The following GALNT8 variants were observed in gnomAD, a reference collection of about 807,000 sequenced individuals.
GALNT8 encodes probable polypeptide N-acetylgalactosaminyltransferase 8.
Under a neutral mutation model 62.7 loss-of-function variants are expected in GALNT8, and 66 were observed. The observed-to-expected ratio is 1.05, with a 90% CI of 0.86 to 1.29. The LOEUF (loss-of-function observed/expected upper bound fraction) is 1.29. Among genes scored for constraint, GALNT8 ranks in the 50% most tolerant of loss-of-function variants. The pLI is 0.00. For missense variants in GALNT8, 771 were observed against 791.8 expected, an observed-to-expected ratio of 0.97 and a Z score of 0.32; for synonymous variants, 288 against 294.3, an observed-to-expected ratio of 0.98 and a Z score of 0.22.
intron 1 of GALNT8, among the ~76,000 whole-genome samples, chr12:4,725,026 T>C (rs1946188463): frequency 1.3e-5 from 2 of 152,232 alleles, no homozygotes; most frequent in Non-Finnish European, 2.9e-5. Context: ...GGATGCCTTC[T>C]TCTAACTTGT....
Position 4,749,886 on chromosome 12 carries a change from T to C in GALNT8, c.1173+3628T>C, listed in dbSNP as rs1946315321. On this transcript the variant is annotated intron_variant, in intron 6 of 10. Coordinates refer to ENST00000252318, the MANE Select transcript of GALNT8 (RefSeq NM_017417.2). This position sits in a 1 kb window ranked among gnomAD's most constrained non-coding sequence, Gnocchi z 4.1. ...GTTTGGGATATTTTTCCTGGTTCAA[T>C]CTTGAACCAAGTTCAATGTGTCTAG... Among the ~76,000 whole-genome samples the C allele has an allele frequency of 6.6e-6, 1 of 152,154 alleles. No individual in the cohort carries two copies. Among genetic ancestry groups the C allele is most frequent in the Non-Finnish European group, 1.5e-5 (1 of 68,018 alleles).
At chr12:4,740,302 A>T (rs1431717562) in intron 3 of GALNT8, among the ~76,000 whole-genome samples, 3 of 151,812 alleles carry the variant, frequency 2.0e-5, no homozygotes, top group Admixed American at 2.0e-4. Context: ...TCATATTCTG[A>T]TTTTCTTGTA....
Position 4,726,622 on chromosome 12 carries a change from C to T in GALNT8, c.302C>T (p.Ala101Val). ...AKDEVRPLLK[A>V]METKVNETKK... ...GATGAAGTACGCCCTCTTCTAAAGGCAATGGAAACCAAGGTGAATGAGACA... is the reference window on the plus strand; with the variant it reads ...GATGAAGTACGCCCTCTTCTAAAGGTAATGGAAACCAAGGTGAATGAGACA... Residue 101 changes from alanine (A) to valine (V), a missense_variant, in exon 2 of 11, where the codon GCA becomes GTA. Ala to Val is a moderately conservative substitution (Grantham distance 64, BLOSUM62 0). Coordinates refer to ENST00000252318, the MANE Select transcript of GALNT8 (RefSeq NM_017417.2). This position sits in a 1 kb window ranked among gnomAD's most constrained non-coding sequence, Gnocchi z 4.1. The T allele has an allele frequency of 6.2e-7, 1 of 1,613,466 alleles. No individual in the cohort carries two copies. Among genetic ancestry groups the T allele is most frequent in the East Asian group, 2.2e-5 (1 of 44,842 alleles).
At position 4,749,129 on chromosome 12, in the gene GALNT8, T is replaced by A; in HGVS notation, c.1173+2871T>A. The stretch of plus-strand genomic sequence containing the variant: ...TGGTGGAGTCTTTATGTTTTTCCAA[T>A]ATAAGATTATGTCATCTGCAAACAA... On this transcript the variant is annotated intron_variant, in intron 6 of 10. Coordinates refer to ENST00000252318, the MANE Select transcript of GALNT8 (RefSeq NM_017417.2). The surrounding 1 kb of genome is among the most constrained non-coding windows in gnomAD (Gnocchi z 4.1). Among the ~76,000 whole-genome samples, 1 of 151,884 alleles carries A rather than the reference T, an allele frequency of 6.6e-6. No homozygotes were observed. Among genetic ancestry groups the A allele is most frequent in the African/African-American group, 2.4e-5 (1 of 41,548 alleles).
At chr12:4,765,831 A>G (rs1946397592) in intron 10 of GALNT8, among the ~76,000 whole-genome samples, 1 of 152,178 alleles carries the variant, frequency 6.6e-6, no homozygotes, top group African/African-American at 2.4e-5. Context: ...GTGTTACCTA[A>G]TATTGCAGTC....
At chr12:4,722,105 G>T (rs113492752) in intron 1 of GALNT8, among the ~76,000 whole-genome samples, 2 of 152,304 alleles carry the variant, frequency 1.3e-5, no homozygotes, top group Middle Eastern at 3.4e-3. Flanking sequence ...CAAGGCAGAA[G>T]AATTTTTCTT....
At chr12:4,758,071 A>G (rs1047932367) in intron 6 of GALNT8, among the ~76,000 whole-genome samples, 2 of 152,082 alleles carry the variant, frequency 1.3e-5, no homozygotes, top group African/African-American at 4.8e-5. Context: ...TCTACAAGAC[A>G]TTCTTTCTTT....
In GALNT8 at chr12:4,720,775, T is replaced by A. The variant is rs773387890; in HGVS notation, c.98T>A (p.Leu33Ter). 1.1e-5 allele frequency: 18 copies of A among 1,612,776 alleles called. No homozygotes were observed. The highest frequency in any genetic ancestry group is 1.5e-5 in the Non-Finnish European group (18 of 1,178,702). The part of the protein sequence containing the change: ...LLLVFSSKGT[L>*]QNLFTGGLHR... Reference sequence around the variant, plus strand: ...CTGGTATTTTCTAGCAAGGGGACTTTACAAAACCTGTTTACGGGTGGTCTC... The same window carrying A: ...CTGGTATTTTCTAGCAAGGGGACTTAACAAAACCTGTTTACGGGTGGTCTC... The change falls in exon 1 of 11, where the codon TTA (leucine) becomes TAA (stop). Residue 33 changes from leucine (L) to a stop codon, truncating the protein, a stop_gained. Coordinates refer to ENST00000252318, the MANE Select transcript of GALNT8 (RefSeq NM_017417.2). LOFTEE classifies it high-confidence loss of function.
At chr12:4,747,647 T>C (rs1197781976) in intron 6 of GALNT8, among the ~76,000 whole-genome samples, 4 of 152,230 alleles carry the variant, frequency 2.6e-5, no homozygotes, top group African/African-American at 9.6e-5. Context: ...TTCCATATCT[T>C]GACTGTTGTG....
At position 4,739,308 on chromosome 12, in the gene GALNT8, G is replaced by A; in HGVS notation, c.655G>A (p.Val219Met). 3.7e-6 allele frequency: 6 copies of A among 1,612,772 alleles called. No homozygotes were observed. The highest frequency in any genetic ancestry group is 1.1e-5 in the South Asian group (1 of 90,844). ...TCGATTGTTGAAGGAAATCATCTTG[G>A]TGGATGATTTCAGCTCAAATGGTGA... ...PSRLLKEIIL[V>M]DDFSSNGELK... The change falls in exon 3 of 11, where the codon GTG becomes ATG. Residue 219 changes from valine (V) to methionine (M), a missense_variant. Transcript: ENST00000252318.
At chr12:4,729,602 G>A (rs1946212041) in intron 2 of GALNT8, among the ~76,000 whole-genome samples, 2 of 152,118 alleles carry the variant, frequency 1.3e-5, no homozygotes. Flanking sequence ...TGTCACAAAA[G>A]ACAGAATTTC....
chr12:4,766,077 A>G (rs1338220902), intron 10 of GALNT8, among the ~76,000 whole-genome samples: 1 of 152,166 alleles, frequency 6.6e-6, no homozygotes, highest in Non-Finnish European at 1.5e-5. Flanking sequence ...GGCGAGTTAC[A>G]TGTTTTTTAA....
intron 2 of GALNT8, among the ~76,000 whole-genome samples, chr12:4,733,746 G>A (rs1044089345): frequency 3.9e-5 from 6 of 152,192 alleles, no homozygotes; most frequent in Non-Finnish European, 5.9e-5. Context: ...TCCAAGGCTC[G>A]TTTCTGCTGG....
intron 6 of GALNT8, among the ~76,000 whole-genome samples, chr12:4,755,888 G>A (rs189259570): frequency 6.6e-6 from 1 of 152,300 alleles, no homozygotes; most frequent in Admixed American, 6.5e-5. Flanking sequence ...TGGCTTGGAT[G>A]GAGTGGCCGT....
At chr12:4,769,251 G>A (rs1178509596) in intron 10 of GALNT8, among the ~76,000 whole-genome samples, 3 of 152,206 alleles carry the variant, frequency 2.0e-5, no homozygotes, top group African/African-American at 7.2e-5. Context: ...TGGGGAAAGA[G>A]GAAGTGGGGA....
chr12:4,760,968 G>A lies in GALNT8; in HGVS notation c.1184G>A (p.Cys395Tyr), dbSNP rs1039301407. 1 of 1,614,026 alleles carries A rather than the reference G, an allele frequency of 6.2e-7. No individual in the cohort carries two copies. Among genetic ancestry groups the A allele is most frequent in the Non-Finnish European group, 8.5e-7 (1 of 1,179,960 alleles). ...NVELSLRVWQ[C>Y]GGKVEILPCS... Reference sequence around the variant, plus strand: ...GGTCTTCTTCTGCAGGTGTGGCAGTGTGGAGGGAAGGTCGAGATTTTGCCC... The same window carrying A: ...GGTCTTCTTCTGCAGGTGTGGCAGTATGGAGGGAAGGTCGAGATTTTGCCC... Residue 395 changes from cysteine to tyrosine, a missense_variant, in exon 7 of 11, where the codon TGT becomes TAT. Cys to Tyr is a radical substitution (Grantham distance 194). Coordinates refer to ENST00000252318, the MANE Select transcript of GALNT8 (RefSeq NM_017417.2).
chr12:4,765,146 A>C lies in GALNT8; in HGVS notation c.1594-233A>C. Among the ~76,000 whole-genome samples, 2 of 151,894 alleles carry C rather than the reference A, an allele frequency of 1.3e-5. 1 individual carries two copies. The highest frequency in any genetic ancestry group is 3.9e-4 in the East Asian group (2 of 5,176). On this transcript the variant is annotated intron_variant, in intron 9 of 10. Coordinates refer to ENST00000252318, the MANE Select transcript of GALNT8 (RefSeq NM_017417.2). ...AGCTTCTTCATCCATGTAAGCTATGATTCTGTTGGAACCCTCCTAGGCCTG... is the reference window on the plus strand; with the variant it reads ...AGCTTCTTCATCCATGTAAGCTATGCTTCTGTTGGAACCCTCCTAGGCCTG...
At chr12:4,746,840 C>T (rs1401296596) in intron 6 of GALNT8, among the ~76,000 whole-genome samples, 2 of 152,182 alleles carry the variant, frequency 1.3e-5, no homozygotes, top group African/African-American at 4.8e-5. Context: ...AGGCAGATTG[C>T]TTGAGCCCAG....
chr12:4,753,917 T>C (rs992951953), intron 6 of GALNT8, among the ~76,000 whole-genome samples: 2 of 152,220 alleles, frequency 1.3e-5, no homozygotes, highest in Non-Finnish European at 2.9e-5. Context: ...CCAGTAATGC[T>C]GTGGTTCTTC....
Sources: allele counts gnomAD v4.1 joint callset (sites outside exome capture counted in the v4.1 genomes callset), GRCh38; gene constraint gnomAD v4.1.1; non-coding constraint Gnocchi (gnomAD v3.1); transcripts MANE v1.5; gene names NCBI Gene and HGNC (gene_info 2026-07-23, HGNC 2026-07-21).